Variants in PPP1R12A observed in about 807,000 individuals in gnomAD.
PPP1R12A encodes myosin binding subunit.
In PPP1R12A, 19 loss-of-function variants were observed where a neutral mutation model predicts 139.6. That is an observed-to-expected ratio of 0.14 (90% CI 0.09 to 0.20). The LOEUF (loss-of-function observed/expected upper bound fraction) is 0.20. PPP1R12A is among the 10% of genes least tolerant of loss of function. The pLI is 1.00. For missense variants in PPP1R12A, 925 were observed against 1,211.5 expected, an observed-to-expected ratio of 0.76 and a Z score of 3.51; for synonymous variants, 427 against 420.6, an observed-to-expected ratio of 1.02 and a Z score of -0.19.
At chr12:79,776,687 A>G (rs1592594848) in intron 24 of PPP1R12A, among the ~76,000 whole-genome samples, 1 of 152,304 alleles carries the variant, frequency 6.6e-6, no homozygotes, top group East Asian at 1.9e-4. Context: ...ATAGCCTCAT[A>G]TCTTCAAACA....
intron 24 of PPP1R12A, chr12:79,777,525 T>C (rs981237360): frequency 8.1e-6 from 8 of 984,926 alleles, no homozygotes; most frequent in Non-Finnish European, 2.4e-6. Flanking sequence ...AAATTATAGG[T>C]TCACAGACTG....
chr12:79,835,325 G>C (rs574025015), intron 3 of PPP1R12A, among the ~76,000 whole-genome samples: 1 of 152,188 alleles, frequency 6.6e-6, no homozygotes, highest in African/African-American at 2.4e-5. Flanking sequence ...GAGCCAGCCA[G>C]ATTACCAGCT....
intron 5 of PPP1R12A, among the ~76,000 whole-genome samples, chr12:79,827,757 C>G (rs947400032): frequency 6.6e-6 from 1 of 152,092 alleles, no homozygotes; most frequent in African/African-American, 2.4e-5. Context: ...CCTCACTCAA[C>G]TGAACTATTT....
intron 3 of PPP1R12A, among the ~76,000 whole-genome samples, chr12:79,834,915 T>C (rs1317627403): frequency 1.3e-5 from 2 of 152,202 alleles, no homozygotes; most frequent in African/African-American, 2.4e-5. Flanking sequence ...CCATCTGTGA[T>C]TGTTAATTGT....
intron 1 of PPP1R12A, among the ~76,000 whole-genome samples, chr12:79,898,560 C>A (rs1414203091): frequency 6.6e-6 from 1 of 152,226 alleles, no homozygotes; most frequent in African/African-American, 2.4e-5. Context: ...TAAGTTTTTA[C>A]AGTTTCACAC....
At chr12:79,923,937 G>A (rs576034061) in intron 1 of PPP1R12A, among the ~76,000 whole-genome samples, 7 of 152,042 alleles carry the variant, frequency 4.6e-5, no homozygotes, top group East Asian at 1.9e-4. Context: ...CCAGCTACTC[G>A]GGAGGCTGAG....
At chr12:79,899,843 T>C (rs891732007) in intron 1 of PPP1R12A, among the ~76,000 whole-genome samples, 5 of 152,224 alleles carry the variant, frequency 3.3e-5, no homozygotes, top group African/African-American at 1.2e-4. Context: ...AGAGTTCCAA[T>C]TGTGCCACAT....
chr12:79,930,307 T>C (rs1016413132), intron 1 of PPP1R12A, among the ~76,000 whole-genome samples: 2 of 152,104 alleles, frequency 1.3e-5, no homozygotes, highest in African/African-American at 4.8e-5. Context: ...ACAATGGAGA[T>C]GTATCAACCA....
intron 2 of PPP1R12A, among the ~76,000 whole-genome samples, chr12:79,868,607 C>T (rs1016806854): frequency 3.3e-5 from 5 of 152,078 alleles, no homozygotes; most frequent in Middle Eastern, 3.2e-3. Flanking sequence ...TGGTTTCTTT[C>T]CTGTCTATGA....
At chr12:79,844,351 T>C (rs567845398) in intron 3 of PPP1R12A, among the ~76,000 whole-genome samples, 1 of 152,322 alleles carries the variant, frequency 6.6e-6, no homozygotes, top group East Asian at 1.9e-4. Flanking sequence ...CTATAAAACC[T>C]ACTCTTCTTA....
At chr12:79,935,106 G>A (rs1888567975), upstream of PPP1R12A, 4 of 1,368,334 alleles carry the variant, frequency 2.9e-6, no homozygotes, top group Non-Finnish European at 3.8e-6. Context: ...CTGGGGCGGC[G>A]CACCCGGCCG....
At chr12:79,912,817 C>T (rs909676364) in intron 1 of PPP1R12A, among the ~76,000 whole-genome samples, 2 of 152,030 alleles carry the variant, frequency 1.3e-5, no homozygotes, top group African/African-American at 4.8e-5. Context: ...TAACAAAAAC[C>T]TTCAACAATC....
intron 4 of PPP1R12A, among the ~76,000 whole-genome samples, chr12:79,828,800 A>C (rs892188815): frequency 1.3e-5 from 2 of 152,160 alleles, no homozygotes; most frequent in African/African-American, 4.8e-5. Context: ...TCAATGTAAA[A>C]TCGAAAACTG....
chr12:79,861,929 G>A (rs750951003), intron 2 of PPP1R12A, among the ~76,000 whole-genome samples: 4 of 152,160 alleles, frequency 2.6e-5, no homozygotes, highest in Non-Finnish European at 4.4e-5. Context: ...AGACTTAAAC[G>A]TCTGTGCCTA....
At chr12:79,842,575 T>TTGTGTGTGTGTGTGTG (rs148792533) in intron 3 of PPP1R12A, among the ~76,000 whole-genome samples, 3 of 143,934 alleles carry the variant, frequency 2.1e-5, no homozygotes, top group African/African-American at 7.5e-5. Context: ...ATGTGGCACT[T>TTGTGTGTGTGTGTGTG]TGTGTGTGTG....
rs773292523 is a variant in PPP1R12A, at chr12:79,806,287, G to C, written c.1702C>G (p.Pro568Ala). Residue 568 changes from proline (P) to alanine (A), a missense_variant, in exon 13 of 25, where the codon CCA (proline) becomes GCA (alanine). By Grantham distance (27) the Pro-to-Ala change is conservative. This residue lies in a region of PPP1R12A where 403 missense variants were observed against 463.7 expected (regional missense o/e 0.87). Transcript: ENST00000450142. ...ACTGTTGGTGTTGATGTGGTGCTTG[G>C]AACACTAGAACTAATCAAATCATCT... Reference protein sequence around the residue: ...RQDDLISSSVPSTTSTPTVTS... With the variant: ...RQDDLISSSVASTTSTPTVTS... 28 of 1,613,692 alleles carry C rather than the reference G, an allele frequency of 1.7e-5. No homozygotes were observed. The highest frequency in any genetic ancestry group is 3.3e-4 in the Middle Eastern group (2 of 6,084).
chr12:79,934,869 C>G lies in PPP1R12A; in HGVS notation c.63G>C (p.Glu21Asp). Residue 21 changes from glutamate (E) to aspartate (D), a missense_variant, in exon 1 of 25, where the codon GAG becomes GAC. Glu to Asp is a conservative substitution (Grantham distance 45). Coordinates refer to ENST00000450142, the MANE Select transcript of PPP1R12A (RefSeq NM_002480.3). ...TCACCACCGGAGGCTCGAGGTCCGT[C>G]TCGGAGCCGATCCAGCGTTTCAGCT... ...NEQLKRWIGS[E>D]TDLEPPVVKR... The G allele has an allele frequency of 6.2e-7, 1 of 1,611,318 alleles. No homozygotes were observed. Among genetic ancestry groups the G allele is most frequent in the Non-Finnish European group, 8.5e-7 (1 of 1,178,934 alleles).
chr12:79,830,677 T>G (rs1877313749), intron 4 of PPP1R12A, among the ~76,000 whole-genome samples: 1 of 152,236 alleles, frequency 6.6e-6, no homozygotes, highest in African/African-American at 2.4e-5. Flanking sequence ...TAGCTTTATT[T>G]GCACTTAATT....
intron 2 of PPP1R12A, among the ~76,000 whole-genome samples, chr12:79,857,647 T>C (rs1880837958): frequency 6.6e-6 from 1 of 152,156 alleles, no homozygotes; most frequent in African/African-American, 2.4e-5. Context: ...CTTTCTTTAA[T>C]TGGCCTAGAC....
Sources: allele counts gnomAD v4.1 joint callset (sites outside exome capture counted in the v4.1 genomes callset), GRCh38; gene constraint gnomAD v4.1.1; regional missense constraint gnomAD v4.1.1; transcripts MANE v1.5; gene names NCBI Gene and HGNC (gene_info 2026-07-23, HGNC 2026-07-21).